ST6GALNAC5: variants seen among roughly 807,000 people sequenced by gnomAD.
ST6GALNAC5 encodes the protein alpha-N-acetylgalactosaminide alpha-2,6-sialyltransferase 5.
ST6GALNAC5 carries 27 observed loss-of-function variants against 33.6 expected under a neutral mutation model. The ratio of observed to expected loss-of-function variants is 0.80; its 90% CI spans 0.59 to 1.11. The LOEUF (loss-of-function observed/expected upper bound fraction) is 1.11. ST6GALNAC5 is among the 50% of genes least tolerant of loss of function. The pLI is 0.00. For synonymous variants in ST6GALNAC5, 194 were observed against 171.2 expected, an observed-to-expected ratio of 1.13 and a Z score of -1.04; for missense variants, 428 against 454.0, an observed-to-expected ratio of 0.94 and a Z score of 0.52.
At chr1:77,048,944 C>A (rs902685205) in intron 3 of ST6GALNAC5, among the ~76,000 whole-genome samples, 7 of 126,416 alleles carry the variant, frequency 5.5e-5, no homozygotes, top group Non-Finnish European at 8.1e-5. Context: ...AAGATTCAGC[C>A]CACTTATTCC....
intron 2 of ST6GALNAC5, among the ~76,000 whole-genome samples, chr1:77,041,445 A>G (rs921828215): frequency 2.0e-5 from 3 of 152,238 alleles, no homozygotes; most frequent in Non-Finnish European, 2.9e-5. Context: ...CGCTAACATA[A>G]TATCTGTAGC....
chr1:76,913,194 A>T (rs1360895180), intron 2 of ST6GALNAC5, among the ~76,000 whole-genome samples: 6 of 151,456 alleles, frequency 4.0e-5, no homozygotes, highest in African/African-American at 1.5e-4. Context: ...GTTTGGCTGG[A>T]TATGAAATTC....
chr1:77,013,413 G>C (rs1650712621), intron 2 of ST6GALNAC5, among the ~76,000 whole-genome samples: 1 of 152,204 alleles, frequency 6.6e-6, no homozygotes, highest in South Asian at 2.1e-4. Flanking sequence ...GGGGCTAAAG[G>C]CTTTCTGAGT....
intron 2 of ST6GALNAC5, among the ~76,000 whole-genome samples, chr1:77,032,793 T>C (rs553149431): frequency 6.6e-6 from 1 of 152,270 alleles, no homozygotes; most frequent in African/African-American, 2.4e-5. Context: ...CTCAGATTTT[T>C]CCCCCAATGT....
intron 2 of ST6GALNAC5, among the ~76,000 whole-genome samples, chr1:76,948,503 A>C (rs1647611228): frequency 6.6e-6 from 1 of 151,786 alleles, no homozygotes; most frequent in South Asian, 2.1e-4. Flanking sequence ...ACAAAGTCCC[A>C]AAAGCATGGA....
chr1:76,886,913 A>T (rs1057320399), intron 2 of ST6GALNAC5, among the ~76,000 whole-genome samples: 24 of 152,218 alleles, frequency 1.6e-4, no homozygotes, highest in Admixed American at 1.2e-3. Flanking sequence ...ATAATATTCC[A>T]TTGTATGGCT....
intron 2 of ST6GALNAC5, among the ~76,000 whole-genome samples, chr1:76,913,744 T>C (rs1305785172): frequency 2.0e-5 from 3 of 152,200 alleles, no homozygotes; most frequent in Non-Finnish European, 4.4e-5. Flanking sequence ...TCATACTGAA[T>C]GGGCAAAAAC....
intron 2 of ST6GALNAC5, among the ~76,000 whole-genome samples, chr1:76,894,354 C>T (rs562034123): frequency 6.6e-6 from 1 of 152,134 alleles, no homozygotes; most frequent in Non-Finnish European, 1.5e-5. Context: ...ACACCTGCCA[C>T]CACCCCTGTG....
chr1:76,887,088 T>TC, intron 2 of ST6GALNAC5, among the ~76,000 whole-genome samples: 1 of 152,282 alleles, frequency 6.6e-6, no homozygotes, highest in African/African-American at 2.4e-5. Context: ...CACTTGAGTC[T>TC]CCAACTCTCA....
chr1:76,985,499 C>T (rs561435893), intron 2 of ST6GALNAC5, among the ~76,000 whole-genome samples: 21 of 152,068 alleles, frequency 1.4e-4, no homozygotes, highest in East Asian at 1.4e-3. Flanking sequence ...CACTGTACAA[C>T]GAAAGAAAAG....
intron 2 of ST6GALNAC5, among the ~76,000 whole-genome samples, chr1:76,914,926 T>G (rs1045626787): frequency 1.3e-4 from 19 of 151,768 alleles, no homozygotes; most frequent in African/African-American, 4.3e-4. Flanking sequence ...GGGAGAAAAT[T>G]TTTGCAACCT....
At chr1:76,869,004 C>G in intron 2 of ST6GALNAC5, 1 of 455,424 alleles carries the variant, frequency 2.2e-6, no homozygotes, top group South Asian at 5.0e-5. Flanking sequence ...GGCCCTGGAA[C>G]TAGAACTCCC....
chr1:76,917,363 C>T (rs148686155), intron 2 of ST6GALNAC5, among the ~76,000 whole-genome samples: 32 of 152,144 alleles, frequency 2.1e-4, no homozygotes, highest in Non-Finnish European at 3.8e-4. Context: ...ACTCAAGCAA[C>T]GAAAAATTAG....
intron 2 of ST6GALNAC5, among the ~76,000 whole-genome samples, chr1:76,976,485 T>A (rs573312207): frequency 1.3e-5 from 2 of 152,276 alleles, no homozygotes; most frequent in Non-Finnish European, 2.9e-5. Context: ...TGTTAAAAAA[T>A]CACTGTATAA....
At chr1:77,020,564 C>T (rs1269277631) in intron 2 of ST6GALNAC5, among the ~76,000 whole-genome samples, 1 of 152,106 alleles carries the variant, frequency 6.6e-6, no homozygotes, top group Non-Finnish European at 1.5e-5. Context: ...CCACACTCCT[C>T]TAATTTTTGT....
At position 77,043,147 on chromosome 1, in the gene ST6GALNAC5, G is replaced by C. The variant is rs534490756; in HGVS notation, c.262-1057G>C. 5.3e-5 allele frequency among the ~76,000 whole-genome samples: 8 copies of C among 152,360 alleles called. No homozygotes were observed. The South Asian group carries it at 1.7e-3, about 32-fold the overall frequency. ...AAAGTTAACAGAGAAGAAGCGCATA[G>C]ACTCTGGAAAAAATCTAACAATGCA... On this transcript the variant is annotated intron_variant, in intron 2 of 4. Coordinates refer to ENST00000477717, the MANE Select transcript of ST6GALNAC5 (RefSeq NM_030965.3).
chr1:77,043,708 G>A (rs1158393817), intron 2 of ST6GALNAC5, among the ~76,000 whole-genome samples: 3 of 152,180 alleles, frequency 2.0e-5, no homozygotes, highest in Admixed American at 1.3e-4. Flanking sequence ...AATAAGGTGA[G>A]TTAAGAGCAT....
chr1:76,960,011 G>A (rs943772408), intron 2 of ST6GALNAC5, among the ~76,000 whole-genome samples: 6 of 152,116 alleles, frequency 3.9e-5, no homozygotes, highest in African/African-American at 1.2e-4. Context: ...GCCTCTATGA[G>A]GCCTGACCCT....
chr1:77,053,312 G>T (rs1318803707), intron 4 of ST6GALNAC5, among the ~76,000 whole-genome samples: 1 of 152,172 alleles, frequency 6.6e-6, no homozygotes, highest in East Asian at 1.9e-4. Context: ...TTGTGTGGTG[G>T]CAGAGCTCAC....
Sources: gnomAD v4.1 joint callset for allele counts (sites outside exome capture counted in the v4.1 genomes callset) on GRCh38, gnomAD v4.1.1 for gene constraint, MANE v1.5 for transcripts, NCBI Gene and HGNC (gene_info 2026-07-23, HGNC 2026-07-21) for gene names.